SNX30: variants seen among roughly 807,000 people sequenced by gnomAD.
The protein encoded by SNX30 is sorting nexin family member 30.
SNX30 carries 24 observed loss-of-function variants against 46.4 expected under a neutral mutation model. The ratio of observed to expected loss-of-function variants is 0.52; its 90% CI spans 0.37 to 0.73. The LOEUF (loss-of-function observed/expected upper bound fraction) is 0.73. Among genes scored for constraint, SNX30 ranks in the 30% least tolerant of loss-of-function variants. The pLI, the probability that SNX30 is intolerant of heterozygous loss-of-function variation, is 0.00. For missense variants in SNX30, 533 were observed against 555.7 expected, an observed-to-expected ratio of 0.96 and a Z score of 0.41; for synonymous variants, 189 against 211.5, an observed-to-expected ratio of 0.89 and a Z score of 0.92.
intron 1 of SNX30, among the ~76,000 whole-genome samples, chr9:112,797,335 C>T (rs549359190): frequency 6.6e-6 from 1 of 152,230 alleles, no homozygotes; most frequent in Non-Finnish European, 1.5e-5. Context: ...CTTTTAAAAA[C>T]GTCATAGAAA....
At chr9:112,773,711 A>C (rs923686473) in intron 1 of SNX30, among the ~76,000 whole-genome samples, 2 of 152,254 alleles carry the variant, frequency 1.3e-5, no homozygotes, top group African/African-American at 4.8e-5. Context: ...GAAAGAGTAC[A>C]TAAATTGTGG....
At chr9:112,843,626 CTTTTTTTT>C (rs35950913) in intron 6 of SNX30, among the ~76,000 whole-genome samples, 2 of 105,218 alleles carry the variant, frequency 1.9e-5, no homozygotes, top group Non-Finnish European at 3.6e-5. Context: ...CCTGCAGTAG[CTTTTTTTT>C]TTTTTTTTTT....
chr9:112,765,564 C>T (rs1192378894), intron 1 of SNX30, among the ~76,000 whole-genome samples: 1 of 152,146 alleles, frequency 6.6e-6, no homozygotes, highest in African/African-American at 2.4e-5. Flanking sequence ...CCTTTCGTGC[C>T]TGGCTTCTTT....
At chr9:112,831,452 A>G (rs774165149) in intron 4 of SNX30, among the ~76,000 whole-genome samples, 3 of 152,176 alleles carry the variant, frequency 2.0e-5, no homozygotes, top group Admixed American at 6.5e-5. Context: ...CTGACCAACA[A>G]TGGGCATGGA....
chr9:112,857,831 T>G (rs1299805132), intron 7 of SNX30, among the ~76,000 whole-genome samples: 1 of 152,142 alleles, frequency 6.6e-6, no homozygotes, highest in African/African-American at 2.4e-5. Flanking sequence ...TATTTATTGC[T>G]CTGTTGCCAG....
At chr9:112,865,661 A>ATATG in intron 8 of SNX30, among the ~76,000 whole-genome samples, 1,662 of 105,548 alleles carry the variant, frequency 0.016, 117 homozygotes, top group South Asian at 0.032. Context: ...ATATATATAT[A>ATATG]TGTATGTATG....
At chr9:112,758,602 G>T (rs988124733) in intron 1 of SNX30, among the ~76,000 whole-genome samples, 21 of 152,154 alleles carry the variant, frequency 1.4e-4, no homozygotes, top group Non-Finnish European at 2.2e-4. Flanking sequence ...CGCCATGTTG[G>T]CCAGGTTGGT....
At position 112,830,817 on chromosome 9, in the gene SNX30, A is replaced by G; in HGVS notation, c.552A>G (p.Leu184=). ...ETRRKALDKF[L]KRITDHPVLS... is the part of the protein sequence containing the mutation. ...GAAGAAAAGCTTTGGATAAATTTCT[A>G]AAAAGAATTACGGACCATCCTGTGC... Residue 184 remains leucine (L), a synonymous_variant, in exon 4 of 9, where the codon CTA becomes CTG. Coordinates refer to ENST00000374232, the MANE Select transcript of SNX30 (RefSeq NM_001012994.2). 1.2e-6 allele frequency: 2 copies of G among 1,614,082 alleles called. No homozygotes were observed. The highest frequency in any genetic ancestry group is 1.3e-5 in the African/African-American group (1 of 75,048).
rs34501288 is a variant in SNX30, at chr9:112,847,446, C to CTT, written c.1015-3398_1015-3397dup. On this transcript the variant is annotated intron_variant, in intron 6 of 8. Transcript: ENST00000374232. ...TACATATCTCTAAAATACAAGCATT[C>CTT]TTTTTTTTTTTTTTTTAAAAAGGAC... is the stretch of plus-strand genomic sequence containing the variant. Among the ~76,000 whole-genome samples the CTT allele has an allele frequency of 3.2e-3, 466 of 146,370 alleles. 1 individual carries two copies. Among genetic ancestry groups the CTT allele is most frequent in the African/African-American group, 0.01 (406 of 40,126 alleles).
intron 5 of SNX30, among the ~76,000 whole-genome samples, chr9:112,837,515 G>A (rs1278553061): frequency 1.3e-5 from 2 of 151,340 alleles, no homozygotes; most frequent in Non-Finnish European, 2.9e-5. Context: ...TTGCTCTGTC[G>A]CCCAGGCTGG....
intron 1 of SNX30, among the ~76,000 whole-genome samples, chr9:112,773,692 A>C (rs13297109): frequency 1.3e-5 from 2 of 152,220 alleles, no homozygotes; most frequent in African/African-American, 4.8e-5. Flanking sequence ...GGAAACAACC[A>C]GTTCTGCAGA....
At chr9:112,853,115 C>T (rs1841057545) in intron 7 of SNX30, among the ~76,000 whole-genome samples, 1 of 152,202 alleles carries the variant, frequency 6.6e-6, no homozygotes, top group African/African-American at 2.4e-5. Flanking sequence ...CCGAGTGGCT[C>T]TCCATCCTGT....
intron 7 of SNX30, among the ~76,000 whole-genome samples, chr9:112,854,969 C>T (rs948686721): frequency 2.0e-5 from 3 of 152,156 alleles, no homozygotes; most frequent in Non-Finnish European, 4.4e-5. Flanking sequence ...GGAATGTGGG[C>T]GGAGAACTTT....
intron 8 of SNX30, among the ~76,000 whole-genome samples, chr9:112,865,675 G>GCA (rs768441437): frequency 1.1e-4 from 9 of 80,928 alleles, no homozygotes; most frequent in African/African-American, 2.0e-4. Context: ...ATGTATGTAT[G>GCA]CACACACACA....
chr9:112,869,610 A>C lies in SNX30; in HGVS notation c.*767A>C, dbSNP rs1841414213. On this transcript the variant is annotated 3_prime_UTR_variant, in exon 9 of 9. Coordinates refer to ENST00000374232, the MANE Select transcript of SNX30 (RefSeq NM_001012994.2). ...TTTTTGTGTAAAATGAAAAAAACAA[A>C]GTGCTGGTTTTTTTTTTTTTTCTGT... The C allele has an allele frequency of 7.2e-6, 1 of 139,314 alleles. No individual in the cohort carries two copies. Among genetic ancestry groups the C allele is most frequent in the East Asian group, 2.4e-4 (1 of 4,098 alleles). The allele number at this position is 139,314 out of a possible 1,614,324, so 8.6% of individuals were successfully genotyped here. A position where few individuals can be genotyped will look rare whatever the true frequency, so the allele number is the denominator to read the frequency against.
intron 2 of SNX30, among the ~76,000 whole-genome samples, chr9:112,815,262 C>T (rs1015768220): frequency 2.0e-5 from 3 of 150,882 alleles, no homozygotes; most frequent in Non-Finnish European, 4.4e-5. Flanking sequence ...TTGTAGTTAC[C>T]AAAAATGATT....
rs1246693009 is a variant in SNX30, at chr9:112,864,242, T to C, written c.1102-5T>C. The C allele has an allele frequency of 6.2e-7, 1 of 1,613,506 alleles. No homozygotes were observed. The highest frequency in any genetic ancestry group is 2.2e-5 in the East Asian group (1 of 44,894). The stretch of plus-strand genomic sequence containing the variant: ...AGGGCACCCATGTGTGCCTCCCTTT[T>C]CCAGGTACCGGCGGACGTCGAGAAA... On this transcript the variant is annotated splice_polypyrimidine_tract_variant and splice_region_variant and intron_variant, in intron 7 of 8. Transcript: ENST00000374232.
At chr9:112,778,268 T>TA (rs1432616998) in intron 1 of SNX30, among the ~76,000 whole-genome samples, 37 of 143,790 alleles carry the variant, frequency 2.6e-4, no homozygotes, top group African/African-American at 7.2e-4. Flanking sequence ...TTGGCCATAT[T>TA]CCTTTTTTTT....
intron 7 of SNX30, among the ~76,000 whole-genome samples, chr9:112,856,403 C>T (rs994385034): frequency 2.5e-5 from 2 of 81,392 alleles, no homozygotes; most frequent in African/African-American, 5.1e-5. Flanking sequence ...GTAGGGAGGG[C>T]GTGTGGTGTG....
Sources: allele counts gnomAD v4.1 joint callset (sites outside exome capture counted in the v4.1 genomes callset), GRCh38; gene constraint gnomAD v4.1.1; transcripts MANE v1.5; gene names NCBI Gene and HGNC (gene_info 2026-07-23, HGNC 2026-07-21).